The following SLC16A6 variants were observed in gnomAD, a reference collection of about 807,000 sequenced individuals.
SLC16A6 encodes solute carrier family 16 member 6.
A neutral mutation model predicts 33.8 loss-of-function variants in SLC16A6; 15 were observed. That is an observed-to-expected ratio of 0.44 (90% CI 0.30 to 0.68). The LOEUF (loss-of-function observed/expected upper bound fraction) is 0.68, where lower values mean the gene tolerates loss of function less well. Among genes scored for constraint, SLC16A6 ranks in the 30% least tolerant of loss-of-function variants. The pLI is 0.10. For synonymous variants in SLC16A6, 219 were observed against 248.4 expected (o/e 0.88, Z 1.11); for missense variants, 451 against 661.5 (o/e 0.68, Z 3.49).
rs781989611 is a variant in SLC16A6, at chr17:68,269,093, G to A, written c.*3C>T. On this transcript the variant is annotated 3_prime_UTR_variant, in exon 6 of 6. Coordinates refer to ENST00000580666, the MANE Select transcript of SLC16A6 (RefSeq NM_004694.5). ...ACAGTGGCTGTTGTTGTAAGAAAGT[G>A]TGTCATACCGGCTCCATTTGCACGT... 80 of 1,526,670 alleles carry A rather than the reference G, an allele frequency of 5.2e-5. No individual in the cohort carries two copies. Among genetic ancestry groups the A allele is most frequent in the Non-Finnish European group, 6.2e-5 (71 of 1,144,002 alleles). The allele number at this position is 1,526,670 out of a possible 1,614,324, so 94.6% of individuals were successfully genotyped here. A position where few individuals can be genotyped will look rare whatever the true frequency, so the allele number is the denominator to read the frequency against.
At chr17:68,276,169 C>T (rs916483265) in intron 2 of SLC16A6, among the ~76,000 whole-genome samples, 2 of 151,552 alleles carry the variant, frequency 1.3e-5, no homozygotes, top group Non-Finnish European at 2.9e-5. Flanking sequence ...TCTCAGCTCA[C>T]TGCAACCTCT....
chr17:68,287,266 G>A (rs1396003848), intron 1 of SLC16A6, among the ~76,000 whole-genome samples: 1 of 151,608 alleles, frequency 6.6e-6, no homozygotes, highest in Admixed American at 6.6e-5. Context: ...ACGTTAGATA[G>A]TATCTAAACG....
At position 68,271,285 on chromosome 17, in the gene SLC16A6, T is replaced by C. The variant is rs781984937; in HGVS notation, c.875A>G (p.Lys292Arg). Residue 292 changes from lysine (K) to arginine (R), a missense_variant, in exon 5 of 6, where the codon AAA (lysine) becomes AGA (arginine). Lys to Arg is a conservative substitution (Grantham distance 26). This residue lies in a region of SLC16A6 where 405 missense variants were observed against 510.7 expected (regional missense o/e 0.79). Transcript: ENST00000580666. This position sits in a 1 kb window ranked among gnomAD's most constrained non-coding sequence, Gnocchi z 5.3. ...PLLDFSILKEKSFICYALFGL... is the reference protein window; with the variant it reads ...PLLDFSILKERSFICYALFGL... The stretch of plus-strand genomic sequence containing the variant: ...AAATAATGCATAACAAATAAAACTT[T>C]TCTCTTTCAAAATGGAGAAGTCTAA... 6.2e-7 allele frequency: 1 copy of C among 1,614,238 alleles called. No individual in the cohort carries two copies. The highest frequency in any genetic ancestry group is 1.7e-5 in the Admixed American group (1 of 60,018).
chr17:68,275,203 C>T (rs781791005), intron 2 of SLC16A6, among the ~76,000 whole-genome samples: 2 of 152,102 alleles, frequency 1.3e-5, no homozygotes, highest in Non-Finnish European at 2.9e-5. Flanking sequence ...AAGCTGTATC[C>T]CCTAGGACAT....
At chr17:68,289,594 G>A (rs1404115017) in intron 1 of SLC16A6, among the ~76,000 whole-genome samples, 1 of 152,148 alleles carries the variant, frequency 6.6e-6, no homozygotes, top group African/African-American at 2.4e-5. Context: ...TCTGGCCCAA[G>A]TTGTCAAAAC....
Position 68,271,358 on chromosome 17 carries a change from C to T in SLC16A6, c.802G>A (p.Val268Ile), listed in dbSNP as rs1555748628. ...GGCCTGGGGCTGGTCTTCACCAGGA[C>T]CTGCTGCATGTCGGCCTTCGGCTCC... Reference protein sequence around the residue: ...ELEPKADMQQVLVKTSPRPSE... With the variant: ...ELEPKADMQQILVKTSPRPSE... Residue 268 changes from valine (V) to isoleucine (I), a missense_variant, in exon 5 of 6, where the codon GTC becomes ATC. Physicochemically the swap from Val to Ile is conservative, Grantham distance 29. Coordinates refer to ENST00000580666, the MANE Select transcript of SLC16A6 (RefSeq NM_004694.5). This position sits in a 1 kb window ranked among gnomAD's most constrained non-coding sequence, Gnocchi z 5.3. The T allele has an allele frequency of 5.6e-6, 9 of 1,614,212 alleles. No individual in the cohort carries two copies. Among genetic ancestry groups the T allele is most frequent in the Admixed American group, 1.7e-5 (1 of 60,026 alleles).
Position 68,274,013 on chromosome 17 carries a change from C to A in SLC16A6, c.290G>T (p.Gly97Val), listed in dbSNP as rs1258286769. Residue 97 changes from glycine (G) to valine (V), a missense_variant, in exon 3 of 6, where the codon GGG (glycine) becomes GTG (valine). Coordinates refer to ENST00000580666, the MANE Select transcript of SLC16A6 (RefSeq NM_004694.5). ...RFGHRLVVML[G>V]GLLVSTGMVA... ...CATCCCGGTGCTGACAAGTAGCCCCCCCAACATCACTACCAGACGGTGTCC... is the reference window on the plus strand; with the variant it reads ...CATCCCGGTGCTGACAAGTAGCCCCACCAACATCACTACCAGACGGTGTCC... The A allele has an allele frequency of 1.2e-6, 2 of 1,614,004 alleles. No homozygotes were observed. The highest frequency in any genetic ancestry group is 1.7e-6 in the Non-Finnish European group (2 of 1,180,042).
At chr17:68,279,102 G>A (rs2075615576) in intron 1 of SLC16A6, among the ~76,000 whole-genome samples, 1 of 152,052 alleles carries the variant, frequency 6.6e-6, no homozygotes, top group Non-Finnish European at 1.5e-5. Flanking sequence ...ACACCAAATG[G>A]CCACCAGACC....
At chr17:68,287,317 T>G (rs1399893754) in intron 1 of SLC16A6, among the ~76,000 whole-genome samples, 2 of 151,474 alleles carry the variant, frequency 1.3e-5, no homozygotes, top group African/African-American at 4.9e-5. Flanking sequence ...ATGCCCAGCC[T>G]TCTTCTTCTT....
chr17:68,267,219 A>T lies in SLC16A6; in HGVS notation c.*1877T>A, dbSNP rs541589631. 18 of 152,324 alleles carry T rather than the reference A, an allele frequency of 1.2e-4. No homozygotes were observed. Among genetic ancestry groups the T allele is most frequent in the Admixed American group, 1.0e-3 (16 of 15,310 alleles). The allele number at this position is 152,324 out of a possible 1,614,324, so 9.4% of individuals were successfully genotyped here. ...ATAGACATGGAGCAGATCCCTCAGA[A>T]ATCAGTTATAAATATTAAATTGTAT... On this transcript the variant is annotated 3_prime_UTR_variant, in exon 6 of 6. Transcript: ENST00000580666.
intron 1 of SLC16A6, among the ~76,000 whole-genome samples, chr17:68,286,203 G>T (rs1555754301): frequency 6.6e-6 from 1 of 152,222 alleles, no homozygotes. Flanking sequence ...CAGCACTGAA[G>T]TTCTGGTGCC....
At chr17:68,286,493 G>A (rs569328433) in intron 1 of SLC16A6, among the ~76,000 whole-genome samples, 3 of 152,204 alleles carry the variant, frequency 2.0e-5, no homozygotes, top group South Asian at 2.1e-4. Flanking sequence ...CAAGCCTACA[G>A]GAGAGCATTT....
rs1270771769 is a variant in SLC16A6 at position 68,267,428 on chromosome 17, T to C, written c.*1668A>G. ...CCCACCCTCCCCAAAGTTTTATAGATTGTCCTATTTCTATGGCTGATAAGA... is the reference window on the plus strand; with the variant it reads ...CCCACCCTCCCCAAAGTTTTATAGACTGTCCTATTTCTATGGCTGATAAGA... On this transcript the variant is annotated 3_prime_UTR_variant, in exon 6 of 6. Coordinates refer to ENST00000580666, the MANE Select transcript of SLC16A6 (RefSeq NM_004694.5). 2.0e-5 allele frequency: 3 copies of C among 152,282 alleles called. No homozygotes were observed. In the East Asian group the frequency reaches 5.8e-4, roughly 29 times the overall value. 9.4% of individuals were successfully genotyped at this position (152,282 alleles called of 1,614,324 possible). A position where few individuals can be genotyped will look rare whatever the true frequency, so the allele number is the denominator to read the frequency against.
At chr17:68,272,420 C>T (rs2075371599) in intron 4 of SLC16A6, among the ~76,000 whole-genome samples, 1 of 152,084 alleles carries the variant, frequency 6.6e-6, no homozygotes, top group Non-Finnish European at 1.5e-5. Flanking sequence ...CATATGTGCC[C>T]AGTTAGGAAT....
rs374800832 is a variant in SLC16A6 at position 68,272,778 on chromosome 17, A to G, written c.377-11T>C. 8 of 1,613,568 alleles carry G rather than the reference A, an allele frequency of 5.0e-6. No individual in the cohort carries two copies. The highest frequency in any genetic ancestry group is 4.0e-5 in the African/African-American group (3 of 75,040). ...AGCAGTATCCCAGACCTGTGAAAGA[A>G]AAGTCAAAAAAGCCAATGAGACCCA... On this transcript the variant is annotated splice_polypyrimidine_tract_variant and intron_variant, in intron 3 of 5. Transcript: ENST00000580666.
intron 1 of SLC16A6, among the ~76,000 whole-genome samples, chr17:68,286,597 C>T (rs184564287): frequency 2.0e-5 from 3 of 152,216 alleles, no homozygotes; most frequent in African/African-American, 7.2e-5. Context: ...CTTAGCCTCC[C>T]GGGTTCAAGC....
In SLC16A6 at chr17:68,278,157, C is replaced by T; in HGVS notation, c.164G>A (p.Ser55Asn). 1 of 1,614,132 alleles carries T rather than the reference C, an allele frequency of 6.2e-7. No homozygotes were observed. Among genetic ancestry groups the T allele is most frequent in the Non-Finnish European group, 8.5e-7 (1 of 1,179,994 alleles). The change falls in exon 2 of 6, where the codon AGT becomes AAT. Residue 55 changes from serine to asparagine, a missense_variant. Physicochemically the swap from Ser to Asn is conservative, Grantham distance 46. Around this residue, in one of 2 missense-constraint regions of SLC16A6, gnomAD observed 405 missense variants for 510.7 expected, o/e 0.79. Transcript: ENST00000580666. ...FGVFFNDLMD[S>N]FNESNSRISW... is the part of the protein sequence containing the mutation. Reference sequence around the variant, plus strand: ...GATCCTGCTATTGGATTCATTAAAACTGTCCATTAAGTCATTAAAGAAGAC... The same window carrying T: ...GATCCTGCTATTGGATTCATTAAAATTGTCCATTAAGTCATTAAAGAAGAC...
chr17:68,281,519 G>A (rs2075696149), intron 1 of SLC16A6, among the ~76,000 whole-genome samples: 1 of 152,148 alleles, frequency 6.6e-6, no homozygotes, highest in Non-Finnish European at 1.5e-5. Context: ...AGGTTGCAGT[G>A]AGCCGAGATC....
chr17:68,274,939 C>T (rs557050742), intron 2 of SLC16A6, among the ~76,000 whole-genome samples: 6 of 152,146 alleles, frequency 3.9e-5, no homozygotes, highest in Non-Finnish European at 5.9e-5. Flanking sequence ...TGCCACCATG[C>T]CCGGCTGATT....
Sources: gnomAD v4.1 joint callset for allele counts (sites outside exome capture counted in the v4.1 genomes callset) on GRCh38, gnomAD v4.1.1 for gene constraint, gnomAD v4.1.1 regional missense constraint, Gnocchi (gnomAD v3.1) non-coding constraint, MANE v1.5 for transcripts, NCBI Gene and HGNC (gene_info 2026-07-23, HGNC 2026-07-21) for gene names.